The following NEK10 variants were observed in gnomAD, a reference collection of about 807,000 sequenced individuals.
NEK10 encodes serine/threonine-protein kinase Nek10.
In NEK10, 122 loss-of-function variants were observed where a neutral mutation model predicts 159.8. The observed-to-expected ratio is 0.76, with a 90% confidence interval of 0.66 to 0.89. NEK10 has a LOEUF of 0.89. Ranked by LOEUF, NEK10 falls within the 40% of genes least tolerant of loss-of-function variation. The probability of loss-of-function intolerance (pLI) is 0.00; values close to 1 mark genes in which losing one functional copy is unlikely to be tolerated. For synonymous variants in NEK10, 466 were observed against 457.1 expected (o/e 1.02, Z -0.25); for missense variants, 1,342 against 1,323.1 (o/e 1.01, Z -0.22).
At chr3:27,222,604 C>T (rs111715917) in intron 23 of NEK10, among the ~76,000 whole-genome samples, 1 of 152,062 alleles carries the variant, frequency 6.6e-6, no homozygotes, top group African/African-American at 2.4e-5. Flanking sequence ...ACTCTTCCAA[C>T]CAACATGAAT....
At chr3:27,267,761 T>C (rs893619473) in intron 22 of NEK10, among the ~76,000 whole-genome samples, 2 of 152,184 alleles carry the variant, frequency 1.3e-5, no homozygotes, top group Non-Finnish European at 1.5e-5. Context: ...TAACCATACA[T>C]TGGCCTCCAA....
intron 5 of NEK10, among the ~76,000 whole-genome samples, chr3:27,332,823 C>T (rs2046519761): frequency 6.6e-6 from 1 of 152,188 alleles, no homozygotes; most frequent in Non-Finnish European, 1.5e-5. Flanking sequence ...TTGTACTTAC[C>T]CGTTCAGGCA....
chr3:27,267,291 C>T (rs189826262), intron 22 of NEK10, among the ~76,000 whole-genome samples: 6 of 152,176 alleles, frequency 3.9e-5, no homozygotes, highest in Non-Finnish European at 7.4e-5. Flanking sequence ...TTAAAATTTG[C>T]TCCTTCTTTG....
intron 22 of NEK10, among the ~76,000 whole-genome samples, chr3:27,258,038 C>T (rs907947053): frequency 2.6e-5 from 4 of 151,718 alleles, no homozygotes; most frequent in Admixed American, 6.6e-5. Flanking sequence ...CCTCATGATC[C>T]GCCCACCTCA....
intron 23 of NEK10, among the ~76,000 whole-genome samples, chr3:27,218,122 T>G (rs1258142087): frequency 1.3e-5 from 2 of 151,484 alleles, no homozygotes; most frequent in African/African-American, 4.9e-5. Flanking sequence ...GAGCATGCAG[T>G]GTGGATACAC....
chr3:27,330,208 G>A (rs1263430542), intron 5 of NEK10, among the ~76,000 whole-genome samples: 2 of 152,156 alleles, frequency 1.3e-5, no homozygotes, highest in Non-Finnish European at 2.9e-5. Context: ...AATATTGCAT[G>A]AGAAATAATA....
chr3:27,238,416 T>G (rs185182762), intron 23 of NEK10, among the ~76,000 whole-genome samples: 1 of 152,200 alleles, frequency 6.6e-6, no homozygotes, highest in African/African-American at 2.4e-5. Context: ...GATTTTTTCT[T>G]CATTTTCTGC....
At chr3:27,196,018 G>A (rs1046216432) in intron 25 of NEK10, among the ~76,000 whole-genome samples, 1 of 152,110 alleles carries the variant, frequency 6.6e-6, no homozygotes, top group African/African-American at 2.4e-5. Flanking sequence ...TCTTATGCCC[G>A]ATTTCTGCCT....
chr3:27,267,898 A>C (rs2149382715), intron 22 of NEK10, among the ~76,000 whole-genome samples: 1 of 152,366 alleles, frequency 6.6e-6, no homozygotes, highest in Admixed American at 6.5e-5. Context: ...GGCATCAAAC[A>C]GCCATGTTGT....
At chr3:27,298,178 C>T (rs1353139001) in intron 13 of NEK10, among the ~76,000 whole-genome samples, 1 of 152,108 alleles carries the variant, frequency 6.6e-6, no homozygotes, top group Admixed American at 6.5e-5. Flanking sequence ...CCACCCAAAT[C>T]TCATCATGAA....
At chr3:27,215,018 A>C in intron 23 of NEK10, 2 of 629,046 alleles carry the variant, frequency 3.2e-6, no homozygotes, top group East Asian at 2.7e-5. Flanking sequence ...TCCAACTCCG[A>C]CCTGTTCCCC....
chr3:27,180,050 C>G (rs1346629730), intron 26 of NEK10, among the ~76,000 whole-genome samples: 1 of 151,796 alleles, frequency 6.6e-6, no homozygotes, highest in Admixed American at 6.6e-5. Context: ...TACTGCACTC[C>G]AGCCTGGGCA....
intron 23 of NEK10, among the ~76,000 whole-genome samples, chr3:27,209,921 T>A (rs920223365): frequency 2.0e-5 from 3 of 152,192 alleles, no homozygotes; most frequent in Non-Finnish European, 4.4e-5. Context: ...TCTACATTCA[T>A]GAAATAAACA....
At chr3:27,211,046 A>C (rs1950964263) in intron 23 of NEK10, among the ~76,000 whole-genome samples, 1 of 152,250 alleles carries the variant, frequency 6.6e-6, no homozygotes, top group African/African-American at 2.4e-5. Context: ...CATTATGCAA[A>C]CCAGGACCTG....
chr3:27,311,730 G>T (rs947638502), intron 8 of NEK10: 3 of 233,684 alleles, frequency 1.3e-5, no homozygotes, highest in African/African-American at 4.7e-5. Context: ...TTCATGCTCT[G>T]GATGTTTCAG....
chr3:27,279,473 T>G (rs1015300100), intron 22 of NEK10, among the ~76,000 whole-genome samples: 3 of 152,192 alleles, frequency 2.0e-5, no homozygotes, highest in African/African-American at 7.2e-5. Flanking sequence ...TTTATACACT[T>G]ACTTTTAAAT....
chr3:27,333,750 C>T (rs2046596584), intron 5 of NEK10, among the ~76,000 whole-genome samples: 1 of 151,708 alleles, frequency 6.6e-6, no homozygotes, highest in African/African-American at 2.4e-5. Context: ...ATTCTAGAGC[C>T]CTACCCCCAA....
At chr3:27,149,860 C>T (rs1944660768) in intron 30 of NEK10, among the ~76,000 whole-genome samples, 1 of 152,166 alleles carries the variant, frequency 6.6e-6, no homozygotes, top group Admixed American at 6.5e-5. Context: ...AAAGCTAGGC[C>T]TCTTGCATCA....
At chr3:27,261,265 C>G (rs1265360723) in intron 22 of NEK10, among the ~76,000 whole-genome samples, 3 of 152,124 alleles carry the variant, frequency 2.0e-5, no homozygotes, top group Admixed American at 2.0e-4. Context: ...CTTCTGCTAG[C>G]TTTAAAATGT....
Sources: gnomAD v4.1 joint callset for allele counts (sites outside exome capture counted in the v4.1 genomes callset) on GRCh38, gnomAD v4.1.1 for gene constraint, MANE v1.5 for transcripts, NCBI Gene and HGNC (gene_info 2026-07-23, HGNC 2026-07-21) for gene names.